MAP2K5: variants seen among roughly 807,000 people sequenced by gnomAD.
MAP2K5 encodes the protein mitogen-activated protein kinase kinase 5, also known as dual specificity mitogen-activated protein kinase kinase 5.
A neutral mutation model predicts 83.1 loss-of-function variants in MAP2K5; 49 were observed. The ratio of observed to expected loss-of-function variants is 0.59; its 90% CI spans 0.47 to 0.75. The LOEUF (loss-of-function observed/expected upper bound fraction) is 0.75, where lower values mean the gene tolerates loss of function less well. MAP2K5 is among the 30% of genes least tolerant of loss of function. The pLI is 0.00. For synonymous variants in MAP2K5, 202 were observed against 191.8 expected, an observed-to-expected ratio of 1.05 and a Z score of -0.44; for missense variants, 457 against 557.5, an observed-to-expected ratio of 0.82 and a Z score of 1.82.
In MAP2K5 at chr15:67,807,077, A is replaced by G. The variant is rs956161418; in HGVS notation, c.*327A>G. Reference sequence around the variant, plus strand: ...TCTATAAAGGGTCAGGCCCGTCAGCATCACTGATGGGAATAAAAGTATTAA... The same window carrying G: ...TCTATAAAGGGTCAGGCCCGTCAGCGTCACTGATGGGAATAAAAGTATTAA... On this transcript the variant is annotated 3_prime_UTR_variant, in exon 22 of 22. Transcript: ENST00000178640. This position sits in a 1 kb window ranked among gnomAD's most constrained non-coding sequence, Gnocchi z 5.1. The G allele has an allele frequency of 1.9e-5, 14 of 748,602 alleles. No homozygotes were observed. The highest frequency in any genetic ancestry group is 1.7e-4 in the Admixed American group (5 of 29,912). 46.4% of individuals were successfully genotyped at this position (748,602 alleles called of 1,614,324 possible).
At chr15:67,734,153 T>G (rs2089287698) in intron 17 of MAP2K5, among the ~76,000 whole-genome samples, 1 of 152,228 alleles carries the variant, frequency 6.6e-6, no homozygotes. Flanking sequence ...ACCGATTAAT[T>G]TATTTGCTGC....
Position 67,555,537 on chromosome 15 carries a change from CA to C in MAP2K5, c.184+5456del, listed in dbSNP as rs1303433108. Among the ~76,000 whole-genome samples the C allele has an allele frequency of 6.6e-6, 1 of 152,066 alleles. No individual in the cohort carries two copies. The highest frequency in any genetic ancestry group is 1.9e-4 in the East Asian group (1 of 5,198). On this transcript the variant is annotated intron_variant, in intron 2 of 21. Transcript: ENST00000178640. This position sits in a 1 kb window ranked among gnomAD's most constrained non-coding sequence, Gnocchi z 5.2. ...TGGAACTACTGAGACAAAGAATACC[CA>C]TATTTAAATTTCAATATCTATTACT...
Position 67,790,291 on chromosome 15 carries a change from T to C in MAP2K5, c.1243-16355T>C, listed in dbSNP as rs534493414. 2.0e-5 allele frequency among the ~76,000 whole-genome samples: 3 copies of C among 152,324 alleles called. No individual in the cohort carries two copies. Among genetic ancestry groups the C allele is most frequent in the African/African-American group, 4.8e-5 (2 of 41,580 alleles). On this transcript the variant is annotated intron_variant, in intron 21 of 21. Transcript: ENST00000178640. This position sits in a 1 kb window ranked among gnomAD's most constrained non-coding sequence, Gnocchi z 4.6. The stretch of plus-strand genomic sequence containing the variant: ...AAGCGTGCAATGCCCCTAGCCCTAA[T>C]GTGCCATTAATGATAGGTTAATGTA...
At chr15:67,728,319 AG>A (rs2089145979) in intron 17 of MAP2K5, among the ~76,000 whole-genome samples, 1 of 152,184 alleles carries the variant, frequency 6.6e-6, no homozygotes, top group African/African-American at 2.4e-5. Context: ...ATTAAGACAA[AG>A]GGTGAAAGCA....
chr15:67,657,925 T>G (rs1189741802), intron 11 of MAP2K5, among the ~76,000 whole-genome samples: 1 of 152,114 alleles, frequency 6.6e-6, no homozygotes, highest in African/African-American at 2.4e-5. Flanking sequence ...GAGGCATACT[T>G]ATGAATCATC....
intron 6 of MAP2K5, among the ~76,000 whole-genome samples, chr15:67,589,827 G>C (rs533592654): frequency 1.3e-5 from 2 of 151,638 alleles, no homozygotes; most frequent in South Asian, 4.2e-4. Context: ...ATAAGAGATA[G>C]ATGGACTTCG....
rs971281260 is a variant in MAP2K5, at chr15:67,708,323, A to T, written c.1044+4915A>T. ...AGTCAACAGAGCAAGATGCTGTCTTAAAAAAAAAAAAAATCAGATAGAGAC... is the reference window on the plus strand; with the variant it reads ...AGTCAACAGAGCAAGATGCTGTCTTTAAAAAAAAAAAAATCAGATAGAGAC... On this transcript the variant is annotated intron_variant, in intron 16 of 21. Transcript: ENST00000178640. This position sits in a 1 kb window ranked among gnomAD's most constrained non-coding sequence, Gnocchi z 4.9. Among the ~76,000 whole-genome samples, 1 of 139,124 alleles carries T rather than the reference A, an allele frequency of 7.2e-6. No individual in the cohort carries two copies. The highest frequency in any genetic ancestry group is 2.7e-5 in the African/African-American group (1 of 36,750). 91.3% of individuals were successfully genotyped at this position (139,124 alleles called of 152,430 possible).
chr15:67,616,259 A>G (rs979844200), intron 8 of MAP2K5, among the ~76,000 whole-genome samples: 16 of 152,234 alleles, frequency 1.1e-4, no homozygotes, highest in African/African-American at 3.9e-4. Context: ...CCTACAGTAT[A>G]TTAGCTTTAA....
chr15:67,717,510 G>A lies in MAP2K5; in HGVS notation c.1045-10406G>A, dbSNP rs1253053856. ...CATGTAGAACTGGGCACATGAGAGTGTGGGCTGACATGAGTGTCAGAGAAA... is the reference window on the plus strand; with the variant it reads ...CATGTAGAACTGGGCACATGAGAGTATGGGCTGACATGAGTGTCAGAGAAA... On this transcript the variant is annotated intron_variant, in intron 16 of 21. Transcript: ENST00000178640. The surrounding 1 kb of genome is among the most constrained non-coding windows in gnomAD (Gnocchi z 4.1). 1.3e-5 allele frequency among the ~76,000 whole-genome samples: 2 copies of A among 152,194 alleles called. No homozygotes were observed. Among genetic ancestry groups the A allele is most frequent in the African/African-American group, 2.4e-5 (1 of 41,446 alleles).
chr15:67,576,421 A>G (rs1176299829), intron 3 of MAP2K5, among the ~76,000 whole-genome samples: 1 of 147,904 alleles, frequency 6.8e-6, no homozygotes, highest in Non-Finnish European at 1.5e-5. Flanking sequence ...AAAAAATTGT[A>G]CTTGTTATCC....
At chr15:67,574,688 G>GA (rs1420755659) in intron 3 of MAP2K5, among the ~76,000 whole-genome samples, 1 of 151,546 alleles carries the variant, frequency 6.6e-6, no homozygotes, top group African/African-American at 2.4e-5. Context: ...CCAACATGGG[G>GA]AAACCCCGTC....
chr15:67,582,850 A>ACG, intron 4 of MAP2K5, among the ~76,000 whole-genome samples: 1 of 148,520 alleles, frequency 6.7e-6, no homozygotes, highest in African/African-American at 2.5e-5. Context: ...ACACACACAC[A>ACG]CACACTTCCA....
At chr15:67,763,678 C>T (rs183666293) in intron 19 of MAP2K5, among the ~76,000 whole-genome samples, 2 of 151,634 alleles carry the variant, frequency 1.3e-5, no homozygotes, top group African/African-American at 4.8e-5. Flanking sequence ...TCGATTTTCT[C>T]CCCAAGCAAG....
At chr15:67,548,913 GAA>G (rs765251220) in intron 1 of MAP2K5, 1,415 of 583,160 alleles carry the variant, frequency 2.4e-3, no homozygotes, top group Middle Eastern at 3.8e-3. Flanking sequence ...ATTTATTTTT[GAA>G]AAAAAAAAAA....
chr15:67,598,163 C>A (rs374963326), intron 7 of MAP2K5, among the ~76,000 whole-genome samples: 4 of 151,994 alleles, frequency 2.6e-5, no homozygotes, highest in African/African-American at 7.3e-5. Context: ...CAAGTTCACA[C>A]CACTATACTT....
chr15:67,710,092 G>A (rs2088654405), intron 16 of MAP2K5, among the ~76,000 whole-genome samples: 1 of 152,146 alleles, frequency 6.6e-6, no homozygotes, highest in Admixed American at 6.5e-5. Context: ...GAATTCCTGG[G>A]TTCAAGCGAT....
intron 21 of MAP2K5, among the ~76,000 whole-genome samples, chr15:67,776,980 A>G (rs1253621657): frequency 1.3e-5 from 2 of 152,234 alleles, no homozygotes; most frequent in African/African-American, 4.8e-5. Context: ...GAAGTTATCT[A>G]TGCATGTGGA....
rs533852010 is a variant in MAP2K5 at position 67,773,495 on chromosome 15, A to G, written c.1242+743A>G. ...CTACAGTCAGAGCAAATTCCTACCA[A>G]TTTTCTTTCACCTTCTTTAAACAAT... is the stretch of plus-strand genomic sequence containing the variant. On this transcript the variant is annotated intron_variant, in intron 21 of 21. Coordinates refer to ENST00000178640, the MANE Select transcript of MAP2K5 (RefSeq NM_145160.3). Among the ~76,000 whole-genome samples, 10 of 152,184 alleles carry G rather than the reference A, an allele frequency of 6.6e-5. No homozygotes were observed. The East Asian group carries it at 1.4e-3, about 21-fold the overall frequency.
At chr15:67,697,729 C>T (rs1214790203) in intron 15 of MAP2K5, among the ~76,000 whole-genome samples, 1 of 152,120 alleles carries the variant, frequency 6.6e-6, no homozygotes, top group African/African-American at 2.4e-5. Context: ...CCCAAAATTA[C>T]CCAAATACAG....
Sources: allele counts gnomAD v4.1 joint callset (sites outside exome capture counted in the v4.1 genomes callset), GRCh38; gene constraint gnomAD v4.1.1; non-coding constraint Gnocchi (gnomAD v3.1); transcripts MANE v1.5; gene names NCBI Gene and HGNC (gene_info 2026-07-23, HGNC 2026-07-21).